The following MYO18A variants were observed in gnomAD, a reference collection of about 807,000 sequenced individuals.
MYO18A encodes the protein unconventional myosin-XVIIIa.
MYO18A carries 78 observed loss-of-function variants against 235.8 expected under a neutral mutation model. That is an observed-to-expected ratio of 0.33 (90% CI 0.28 to 0.40). The LOEUF (loss-of-function observed/expected upper bound fraction) is 0.40, where lower values mean the gene tolerates loss of function less well. MYO18A is among the 10% of genes least tolerant of loss of function. The pLI, the probability that MYO18A is intolerant of heterozygous loss-of-function variation, is 1.00. For missense variants in MYO18A, 2,215 were observed against 2,699.3 expected, an observed-to-expected ratio of 0.82 and a Z score of 3.98; for synonymous variants, 977 against 1,077.8, an observed-to-expected ratio of 0.91 and a Z score of 1.83.
intron 2 of MYO18A, among the ~76,000 whole-genome samples, chr17:29,139,489 G>A (rs1406705436): frequency 6.6e-6 from 1 of 152,048 alleles, no homozygotes; most frequent in East Asian, 1.9e-4. Flanking sequence ...GCTGAGGCAG[G>A]GCAGTCCTGA....
intron 17 of MYO18A, 39 bp from the exon 18 acceptor site, chr17:29,110,661 C>T (rs1320817100): frequency 1.3e-6 from 2 of 1,572,978 alleles, no homozygotes; most frequent in Admixed American, 1.8e-5. Context: ...AAAGCAGTCA[C>T]ATCGATGGAG....
chr17:29,133,734 C>T, intron 2 of MYO18A: 2 of 1,201,836 alleles, frequency 1.7e-6, no homozygotes, highest in Admixed American at 4.6e-5. Flanking sequence ...AGCCAGTCTC[C>T]TGCCTGCAGA....
Position 29,074,782 on chromosome 17 carries a change from C to T in MYO18A, c.6153G>A (p.Glu2051=), listed in dbSNP as rs1231731990. ...CCACTCCCCTGGGCTATGCGTTAGT[C>T]TCCGTCAGCTTGGCCTCTGTGTCGC... ...SDSDTEAKLT[E]TNA is the part of the protein sequence containing the mutation. Residue 2051 remains glutamate, a synonymous_variant, in exon 42 of 42, where the codon GAG becomes GAA. Coordinates refer to ENST00000527372, the MANE Select transcript of MYO18A (RefSeq NM_078471.4). The surrounding 1 kb of genome is among the most constrained non-coding windows in gnomAD (Gnocchi z 4.4). The T allele has an allele frequency of 1.2e-6, 2 of 1,613,954 alleles. No homozygotes were observed. The highest frequency in any genetic ancestry group is 2.2e-5 in the East Asian group (1 of 44,862).
At chr17:29,176,543 G>A (rs556915907) in intron 1 of MYO18A, 2 of 150,932 alleles carry the variant, frequency 1.3e-5, no homozygotes, top group Non-Finnish European at 2.9e-5. Context: ...TTTCCCGAGA[G>A]AGCCGGCCTC....
chr17:29,155,921 T>C (rs2068057080), intron 2 of MYO18A, among the ~76,000 whole-genome samples: 1 of 152,168 alleles, frequency 6.6e-6, no homozygotes, highest in African/African-American at 2.4e-5. Flanking sequence ...AGTAGGGACA[T>C]GCTAAGGTCC....
In MYO18A at chr17:29,094,000, G is replaced by A. The variant is rs761782070; in HGVS notation, c.4801C>T (p.Arg1601Trp). ...CTTACCTTCTTCTGACACGACTGCC[G>A]GGCCTCCTCCACCTCCTCATCCCGA... ...ESRDEEVEEA[R>W]QSCQKKLKQM... The change falls in exon 31 of 42, where the codon CGG (arginine) becomes TGG (tryptophan). Residue 1601 changes from arginine (R) to tryptophan (W), a missense_variant. By Grantham distance (101) the Arg-to-Trp change is moderately radical. Coordinates refer to ENST00000527372, the MANE Select transcript of MYO18A (RefSeq NM_078471.4). 84 of 1,610,022 alleles carry A rather than the reference G, an allele frequency of 5.2e-5. 1 individual carries two copies. The South Asian group carries it at 6.3e-4, about 12-fold the overall frequency.
chr17:29,088,999 T>C (rs538246626), intron 37 of MYO18A, among the ~76,000 whole-genome samples: 3 of 150,262 alleles, frequency 2.0e-5, no homozygotes, highest in Admixed American at 6.6e-5. Flanking sequence ...TGAGCCATGA[T>C]TGCGTCACTG....
chr17:29,079,975 G>A, intron 41 of MYO18A: 1 of 986,028 alleles, frequency 1.0e-6, no homozygotes, highest in South Asian at 4.7e-5. Context: ...GCTCTTCCGA[G>A]AGCGCCCCTT....
At chr17:29,080,030 A>AG in intron 41 of MYO18A, 2 of 986,002 alleles carry the variant, frequency 2.0e-6, no homozygotes, top group Non-Finnish European at 2.4e-6. Context: ...CCGGAGCTGG[A>AG]GCTGGAGCTG....
At position 29,166,575 on chromosome 17, in the gene MYO18A, G is replaced by T. The variant is rs1291646066; in HGVS notation, c.366C>A (p.Ala122=). 2 of 1,613,692 alleles carry T rather than the reference G, an allele frequency of 1.2e-6. No individual in the cohort carries two copies. The highest frequency in any genetic ancestry group is 1.7e-6 in the Non-Finnish European group (2 of 1,179,890). The change falls in exon 2 of 42, where the codon GCC becomes GCA. Residue 122 remains alanine (A), a synonymous_variant. Coordinates refer to ENST00000527372, the MANE Select transcript of MYO18A (RefSeq NM_078471.4). ...TCTGCTTGGCCAGTGAGCCGAACTT[G>T]GCTGCCCGCTGCAGCACCGAGCCAC... The part of the protein sequence containing the change: ...SFRGSVLQRA[A]KFGSLAKQNS...
chr17:29,096,406 C>T (rs1029841679), intron 28 of MYO18A, among the ~76,000 whole-genome samples: 3 of 152,200 alleles, frequency 2.0e-5, no homozygotes, highest in Non-Finnish European at 4.4e-5. Flanking sequence ...GTTTGTGTAG[C>T]TGAGGCAAGT....
rs1435481772 is a variant in MYO18A at position 29,126,614 on chromosome 17, T to C, written c.1000-4361A>G. On this transcript the variant is annotated intron_variant, in intron 2 of 41. Coordinates refer to ENST00000527372, the MANE Select transcript of MYO18A (RefSeq NM_078471.4). The surrounding 1 kb of genome is among the most constrained non-coding windows in gnomAD (Gnocchi z 4.1). Reference sequence around the variant, plus strand: ...AACAGTCAGGGAGGGCCTCAAGGCCTCTCAGGCTATTCCCCCATACCCTCC... The same window carrying C: ...AACAGTCAGGGAGGGCCTCAAGGCCCCTCAGGCTATTCCCCCATACCCTCC... 6.6e-6 allele frequency among the ~76,000 whole-genome samples: 1 copy of C among 152,104 alleles called. No homozygotes were observed. Among genetic ancestry groups the C allele is most frequent in the Non-Finnish European group, 1.5e-5 (1 of 68,016 alleles).
At chr17:29,108,952 A>G (rs1381293985) in intron 19 of MYO18A, among the ~76,000 whole-genome samples, 1 of 152,114 alleles carries the variant, frequency 6.6e-6, no homozygotes, top group Non-Finnish European at 1.5e-5. Flanking sequence ...CACCAACTCC[A>G]TATCAAGACG....
intron 37 of MYO18A, among the ~76,000 whole-genome samples, chr17:29,088,052 CTTTTT>C (rs1040172315): frequency 2.4e-5 from 3 of 124,654 alleles, no homozygotes; most frequent in African/African-American, 5.9e-5. Flanking sequence ...AAAATAAATT[CTTTTT>C]TTTTTTTTTT....
intron 2 of MYO18A, among the ~76,000 whole-genome samples, chr17:29,144,834 A>G (rs960631611): frequency 2.0e-5 from 3 of 152,212 alleles, no homozygotes; most frequent in Admixed American, 6.5e-5. Flanking sequence ...TAGATTCCAA[A>G]GTCAGCACGT....
intron 2 of MYO18A, 118 bp from the exon 3 acceptor site, chr17:29,122,371 A>G (rs1156550064): frequency 3.5e-6 from 3 of 868,534 alleles, no homozygotes; most frequent in South Asian, 1.5e-5. Context: ...GCAAGGAATG[A>G]GTTAGGTGAC....
chr17:29,177,341 A>AT (rs1234683554), intron 1 of MYO18A, among the ~76,000 whole-genome samples: 3 of 152,178 alleles, frequency 2.0e-5, no homozygotes, highest in Non-Finnish European at 4.4e-5. Context: ...GTCCTGTAAA[A>AT]TCATCAGTCT....
chr17:29,104,150 A>G (rs1317958142), intron 20 of MYO18A, among the ~76,000 whole-genome samples: 1 of 152,188 alleles, frequency 6.6e-6, no homozygotes, highest in African/African-American at 2.4e-5. Flanking sequence ...GTGGAGCCCC[A>G]TGTGCTTCGG....
intron 37 of MYO18A, among the ~76,000 whole-genome samples, chr17:29,087,952 C>T (rs2066296075): frequency 6.6e-6 from 1 of 151,736 alleles, no homozygotes; most frequent in Non-Finnish European, 1.5e-5. Context: ...CCCTTGATAG[C>T]TTTGTGACCT....
Sources: allele counts gnomAD v4.1 joint callset (sites outside exome capture counted in the v4.1 genomes callset), GRCh38; gene constraint gnomAD v4.1.1; non-coding constraint Gnocchi (gnomAD v3.1); transcripts MANE v1.5; gene names NCBI Gene and HGNC (gene_info 2026-07-23, HGNC 2026-07-21).